Variants in FBP2 observed in about 807,000 individuals in gnomAD.
The protein encoded by FBP2 is fructose-bisphosphatase 2, also known as fructose-1,6-bisphosphatase isozyme 2.
Under a neutral mutation model 31.6 loss-of-function variants are expected in FBP2, and 27 were observed. That is an observed-to-expected ratio of 0.85 (90% CI 0.63 to 1.18). The LOEUF (loss-of-function observed/expected upper bound fraction) is 1.18, where lower values mean the gene tolerates loss of function less well. Ranked by LOEUF, FBP2 falls within the 50% of genes most tolerant of loss-of-function variation. The probability of loss-of-function intolerance (pLI) is 0.00; values close to 1 mark genes in which losing one functional copy is unlikely to be tolerated. For missense variants in FBP2, 421 were observed against 436.1 expected (o/e 0.97, Z 0.31); for synonymous variants, 168 against 179.8 (o/e 0.93, Z 0.53).
intron 2 of FBP2, 48 bp from the exon 3 acceptor site, chr9:94,584,717 G>T: frequency 8.6e-7 from 1 of 1,161,176 alleles, no homozygotes; most frequent in Non-Finnish European, 1.3e-6. Flanking sequence ...CTTCCCATTA[G>T]CACAATTGCT....
chr9:94,577,865 T>A (rs1372553140), intron 3 of FBP2: 1 of 152,224 alleles, frequency 6.6e-6, no homozygotes, highest in Non-Finnish European at 1.5e-5. Context: ...TGTTTGTGTA[T>A]GGATGTATAC....
intron 2 of FBP2, among the ~76,000 whole-genome samples, chr9:94,585,676 G>A (rs907005917): frequency 6.6e-5 from 10 of 152,196 alleles, no homozygotes; most frequent in Non-Finnish European, 2.9e-5. Context: ...AGGATGGAGT[G>A]CAGTGGTGTG....
chr9:94,566,394 C>T (rs952473707), intron 5 of FBP2, among the ~76,000 whole-genome samples: 7 of 152,266 alleles, frequency 4.6e-5, no homozygotes, highest in Admixed American at 1.3e-4. Context: ...AACAATAGCA[C>T]GAGTGATCTG....
At chr9:94,586,244 G>A (rs1315005273) in intron 2 of FBP2, among the ~76,000 whole-genome samples, 4 of 152,034 alleles carry the variant, frequency 2.6e-5, no homozygotes, top group African/African-American at 9.7e-5. Context: ...GCATGGTGGC[G>A]CATGCCTGTA....
At chr9:94,564,529 G>T (rs913487983) in intron 5 of FBP2, among the ~76,000 whole-genome samples, 6 of 152,132 alleles carry the variant, frequency 3.9e-5, no homozygotes, top group African/African-American at 1.4e-4. Flanking sequence ...GGAGCTGAAG[G>T]CCTAATTATC....
In FBP2 at chr9:94,571,915, C is replaced by T. The variant is rs76106981; in HGVS notation, c.427-313G>A. On this transcript the variant is annotated intron_variant, in intron 3 of 6. Transcript: ENST00000375337. Reference sequence around the variant, plus strand: ...CATCATAAGCCATGTTCCCAAGCCACGATACTCACAACTCAGATCACTGAG... The same window carrying T: ...CATCATAAGCCATGTTCCCAAGCCATGATACTCACAACTCAGATCACTGAG... Among the ~76,000 whole-genome samples, 1,415 of 152,264 alleles carry T rather than the reference C, an allele frequency of 9.3e-3. 15 individuals are homozygous for T. The highest frequency in any genetic ancestry group is 0.032 in the African/African-American group (1,349 of 41,544).
intron 6 of FBP2, among the ~76,000 whole-genome samples, chr9:94,561,488 G>T (rs535635109): frequency 6.7e-6 from 1 of 148,524 alleles, no homozygotes; most frequent in Admixed American, 6.9e-5. Flanking sequence ...TCAGCCTCCC[G>T]AGTAGCTGGA....
At chr9:94,576,988 AT>A (rs936250069) in intron 3 of FBP2, among the ~76,000 whole-genome samples, 4 of 152,016 alleles carry the variant, frequency 2.6e-5, no homozygotes, top group Admixed American at 2.6e-4. Context: ...CCTCCTGATA[AT>A]CTTGGGGCAC....
chr9:94,588,146 C>T lies in FBP2; in HGVS notation c.171-677G>A, dbSNP rs368550898. Among the ~76,000 whole-genome samples, 8 of 152,258 alleles carry T rather than the reference C, an allele frequency of 5.3e-5. No individual in the cohort carries two copies. In the South Asian group the frequency reaches 6.2e-4, roughly 12 times the overall value. On this transcript the variant is annotated intron_variant, in intron 1 of 6. Coordinates refer to ENST00000375337, the MANE Select transcript of FBP2 (RefSeq NM_003837.4). The stretch of plus-strand genomic sequence containing the variant: ...GATTACAGGCATGAGCCACCATGCC[C>T]GGCCAAGCCCTGGAATTTCAAGTCT...
intron 6 of FBP2, among the ~76,000 whole-genome samples, chr9:94,561,871 T>G (rs144009808): frequency 1.8e-3 from 273 of 152,300 alleles, no homozygotes; most frequent in Middle Eastern, 6.8e-3. Context: ...GATCTATCTA[T>G]GGAGTGACAT....
rs953520690 is a variant in FBP2, at chr9:94,573,109, A to G, written c.427-1507T>C. 8 of 152,216 alleles carry G rather than the reference A, an allele frequency of 5.3e-5. 1 individual carries two copies. Among genetic ancestry groups the G allele is most frequent in the South Asian group, 4.1e-4 (2 of 4,834 alleles). The allele number at this position is 152,216 out of a possible 1,614,324, so 9.4% of individuals were successfully genotyped here. A position where few individuals can be genotyped will look rare whatever the true frequency, so the allele number is the denominator to read the frequency against. On this transcript the variant is annotated intron_variant, in intron 3 of 6. Coordinates refer to ENST00000375337, the MANE Select transcript of FBP2 (RefSeq NM_003837.4). ...CTGGCTACAACTTTCAGGATTACAT[A>G]TGTTGGGTAACAGTGGCGAGTGAGG...
intron 3 of FBP2, among the ~76,000 whole-genome samples, chr9:94,581,378 C>T (rs1163759761): frequency 3.9e-5 from 6 of 151,962 alleles, no homozygotes; most frequent in Admixed American, 1.3e-4. Flanking sequence ...CACAGTAGCT[C>T]GATGTATAGA....
chr9:94,592,719 G>T (rs1030938558), intron 1 of FBP2, among the ~76,000 whole-genome samples: 2 of 152,200 alleles, frequency 1.3e-5, no homozygotes, highest in African/African-American at 4.8e-5. Context: ...ATTTTTAGTA[G>T]AGACAGGGTT....
chr9:94,559,108 G>T lies in FBP2; in HGVS notation c.850C>A (p.Pro284Thr). The T allele has an allele frequency of 6.2e-7, 1 of 1,613,266 alleles. No individual in the cohort carries two copies. ...GKLRLLYECN[P>T]VAYIIEQAGG... ...GCCTGCTCAATGATGTAGGCCACGG[G>T]ATTGCATTCATACAGGAGCCGGAGC... The change falls in exon 7 of 7, where the codon CCC becomes ACC. Residue 284 changes from proline to threonine, a missense_variant. Coordinates refer to ENST00000375337, the MANE Select transcript of FBP2 (RefSeq NM_003837.4).
intron 3 of FBP2, among the ~76,000 whole-genome samples, chr9:94,575,392 C>A (rs1241457282): frequency 6.6e-6 from 1 of 152,110 alleles, no homozygotes. Context: ...TGCATATGTT[C>A]TTTTGTATGG....
intron 3 of FBP2, among the ~76,000 whole-genome samples, chr9:94,575,628 G>A (rs543724658): frequency 2.4e-4 from 37 of 152,144 alleles, no homozygotes; most frequent in Non-Finnish European, 3.7e-4. Context: ...TGGGTCCCAG[G>A]AGTGAAATTG....
intron 3 of FBP2, among the ~76,000 whole-genome samples, chr9:94,582,547 A>AT (rs35999121): frequency 0.58 from 76,157 of 132,212 alleles, 22,927 homozygotes; most frequent in African/African-American, 0.74. Context: ...CTCTTGGCTA[A>AT]TTTTTTTTTT....
In FBP2 at chr9:94,559,097, G is replaced by T. The variant is rs1368541126; in HGVS notation, c.861C>A (p.Tyr287Ter). The T allele has an allele frequency of 6.2e-7, 1 of 1,613,872 alleles. No homozygotes were observed. Among genetic ancestry groups the T allele is most frequent in the Non-Finnish European group, 8.5e-7 (1 of 1,179,976 alleles). ...CCAAGCCTCCTGCCTGCTCAATGAT[G>T]TAGGCCACGGGATTGCATTCATACA... ...RLLYECNPVA[Y>*]IIEQAGGLAT... Residue 287 changes from tyrosine to a stop codon, truncating the protein, a stop_gained, in exon 7 of 7, where the codon TAC becomes TAA. Transcript: ENST00000375337. LOFTEE classifies it high-confidence loss of function.
At chr9:94,590,367 G>A (rs967805278) in intron 1 of FBP2, among the ~76,000 whole-genome samples, 1 of 152,184 alleles carries the variant, frequency 6.6e-6, no homozygotes, top group African/African-American at 2.4e-5. Flanking sequence ...AGGGGAAAAG[G>A]AGACTCTCAT....
Sources: allele counts gnomAD v4.1 joint callset (sites outside exome capture counted in the v4.1 genomes callset), GRCh38; gene constraint gnomAD v4.1.1; transcripts MANE v1.5; gene names NCBI Gene and HGNC (gene_info 2026-07-23, HGNC 2026-07-21).